BICC1: variants seen among roughly 807,000 people sequenced by gnomAD.
BICC1 encodes BicC family RNA binding protein 1.
BICC1 carries 43 observed loss-of-function variants against 111.0 expected under a neutral mutation model. The observed-to-expected ratio is 0.39, with a 90% CI of 0.30 to 0.50. The LOEUF (loss-of-function observed/expected upper bound fraction) is 0.50, where lower values mean the gene tolerates loss of function less well. Among genes scored for constraint, BICC1 ranks in the 20% least tolerant of loss-of-function variants. The pLI is 0.88. For synonymous variants in BICC1, 467 were observed against 434.4 expected (o/e 1.07, Z -0.93); for missense variants, 1,091 against 1,203.2 (o/e 0.91, Z 1.38).
intron 1 of BICC1, among the ~76,000 whole-genome samples, chr10:58,538,059 A>G (rs1842866649): frequency 6.6e-6 from 1 of 152,020 alleles, no homozygotes; most frequent in Non-Finnish European, 1.5e-5. Flanking sequence ...AGCAATTTAC[A>G]GATTCAATGT....
At chr10:58,747,925 C>T (rs1263503425) in intron 3 of BICC1, among the ~76,000 whole-genome samples, 1 of 152,080 alleles carries the variant, frequency 6.6e-6, no homozygotes, top group Non-Finnish European at 1.5e-5. Context: ...TGTATGCTTT[C>T]GTGTTACGGA....
At position 58,523,383 on chromosome 10, in the gene BICC1, T is replaced by G. The variant is rs1231464727; in HGVS notation, c.190+10050T>G. On this transcript the variant is annotated intron_variant, in intron 1 of 20. Coordinates refer to ENST00000373886, the MANE Select transcript of BICC1 (RefSeq NM_001080512.3). The stretch of plus-strand genomic sequence containing the variant: ...ATCAAGTTGGCTTCATCCCTGGGAT[T>G]CAAGGCTGGTTTAACATACGCAAAT... 3.5e-4 allele frequency among the ~76,000 whole-genome samples: 54 copies of G among 152,284 alleles called. 1 individual carries two copies. The South Asian group carries it at 0.011, about 31-fold the overall frequency.
At chr10:58,718,947 G>A (rs1840850859) in intron 3 of BICC1, among the ~76,000 whole-genome samples, 1 of 152,004 alleles carries the variant, frequency 6.6e-6, no homozygotes, top group Admixed American at 6.6e-5. Flanking sequence ...TATGTGTTGG[G>A]ATTTGAATTC....
chr10:58,634,139 A>G (rs1262364232), intron 2 of BICC1, among the ~76,000 whole-genome samples: 2 of 151,554 alleles, frequency 1.3e-5, no homozygotes, highest in Admixed American at 1.3e-4. Context: ...TTACAGGTGC[A>G]CGCCACCACG....
intron 1 of BICC1, among the ~76,000 whole-genome samples, chr10:58,604,547 G>A (rs1845146937): frequency 6.6e-6 from 1 of 152,074 alleles, no homozygotes; most frequent in Non-Finnish European, 1.5e-5. Context: ...TGTAGTCCCA[G>A]CTACTCGGGA....
At chr10:58,525,642 A>T (rs1842514613) in intron 1 of BICC1, among the ~76,000 whole-genome samples, 1 of 150,798 alleles carries the variant, frequency 6.6e-6, no homozygotes, top group Non-Finnish European at 1.5e-5. Context: ...CAGCACACCA[A>T]CATGGCACAT....
At chr10:58,760,885 C>T (rs139584597) in intron 3 of BICC1, among the ~76,000 whole-genome samples, 1 of 152,240 alleles carries the variant, frequency 6.6e-6, no homozygotes, top group African/African-American at 2.4e-5. Flanking sequence ...TTATCTAAAA[C>T]AGAGCTATGA....
intron 3 of BICC1, among the ~76,000 whole-genome samples, chr10:58,721,425 T>C (rs899348412): frequency 1.3e-5 from 2 of 152,222 alleles, no homozygotes; most frequent in African/African-American, 4.8e-5. Context: ...AAAATGGAAT[T>C]GGGATTCTTT....
At chr10:58,575,996 G>C (rs1260023740) in intron 1 of BICC1, among the ~76,000 whole-genome samples, 1 of 152,024 alleles carries the variant, frequency 6.6e-6, no homozygotes, top group African/African-American at 2.4e-5. Context: ...CAATTTTTTG[G>C]TGTGTGCTTT....
chr10:58,688,072 G>A (rs1468150368), intron 2 of BICC1, among the ~76,000 whole-genome samples: 2 of 152,132 alleles, frequency 1.3e-5, no homozygotes, highest in African/African-American at 2.4e-5. Flanking sequence ...GACTTCACGA[G>A]TGAAGCTGCA....
Position 58,800,931 on chromosome 10 carries a change from C to T in BICC1, c.1900C>T (p.Pro634Ser). The T allele has an allele frequency of 6.2e-7, 1 of 1,609,702 alleles. No homozygotes were observed. The highest frequency in any genetic ancestry group is 8.5e-7 in the Non-Finnish European group (1 of 1,178,008). Residue 634 changes from proline to serine, a missense_variant, in exon 14 of 21, where the codon CCT becomes TCT. By Grantham distance (74) the Pro-to-Ser change is moderately conservative. This residue lies in a region of BICC1 where 843 missense variants were observed against 900.8 expected (regional missense o/e 0.94). Coordinates refer to ENST00000373886, the MANE Select transcript of BICC1 (RefSeq NM_001080512.3). ...TGTTGAAGTAGGCATGCCTCGAAGT[C>T]CTTCCCATTCTGGGAATGCTGGTGA... is the stretch of plus-strand genomic sequence containing the variant. ...AFVEVGMPRS[P>S]SHSGNAGDLK...
chr10:58,587,237 A>G (rs1844460884), intron 1 of BICC1, among the ~76,000 whole-genome samples: 1 of 152,050 alleles, frequency 6.6e-6, no homozygotes, highest in Non-Finnish European at 1.5e-5. Flanking sequence ...TTACTTATCT[A>G]TGCTTAACAC....
At chr10:58,685,645 C>T (rs1839698050) in intron 2 of BICC1, among the ~76,000 whole-genome samples, 1 of 152,092 alleles carries the variant, frequency 6.6e-6, no homozygotes, top group Admixed American at 6.5e-5. Context: ...CTCTTTTGAT[C>T]TCTGTTGACT....
intron 2 of BICC1, among the ~76,000 whole-genome samples, chr10:58,686,359 C>T (rs573711258): frequency 4.6e-4 from 70 of 152,194 alleles, no homozygotes; most frequent in Middle Eastern, 3.4e-3. Context: ...TTGCTCTTCT[C>T]GAGGAGTATC....
At chr10:58,739,896 G>A (rs535669746) in intron 3 of BICC1, among the ~76,000 whole-genome samples, 1 of 152,120 alleles carries the variant, frequency 6.6e-6, no homozygotes, top group Admixed American at 6.6e-5. Context: ...CTTTGAATTT[G>A]ACAGTTGGAA....
intron 2 of BICC1, among the ~76,000 whole-genome samples, chr10:58,639,786 C>T (rs1355278546): frequency 1.4e-5 from 2 of 141,884 alleles, no homozygotes; most frequent in Non-Finnish European, 3.0e-5. Flanking sequence ...CATCTTGGCT[C>T]AATGAAGCCT....
At chr10:58,676,392 C>T (rs1210855812) in intron 2 of BICC1, among the ~76,000 whole-genome samples, 1 of 152,170 alleles carries the variant, frequency 6.6e-6, no homozygotes, top group Non-Finnish European at 1.5e-5. Flanking sequence ...TTCTTGCTGG[C>T]AGCACAGCAT....
intron 3 of BICC1, chr10:58,715,487 G>A: frequency 3.4e-6 from 3 of 894,360 alleles, no homozygotes; most frequent in Non-Finnish European, 5.6e-6. Context: ...ACCTGTGGCA[G>A]GCCCTCTTCG....
intron 1 of BICC1, among the ~76,000 whole-genome samples, chr10:58,610,645 CT>C (rs1411847906): frequency 6.6e-6 from 1 of 151,124 alleles, no homozygotes; most frequent in Non-Finnish European, 1.5e-5. Flanking sequence ...CCATAGAGCC[CT>C]TTTATAATGG....
Sources: allele counts gnomAD v4.1 joint callset (sites outside exome capture counted in the v4.1 genomes callset), GRCh38; gene constraint gnomAD v4.1.1; regional missense constraint gnomAD v4.1.1; transcripts MANE v1.5; gene names NCBI Gene and HGNC (gene_info 2026-07-23, HGNC 2026-07-21).